Variants in PRKN observed in about 807,000 individuals in gnomAD.
PRKN encodes parkin RBR E3 ubiquitin protein ligase.
PRKN carries 56 observed loss-of-function variants against 59.5 expected under a neutral mutation model. The ratio of observed to expected loss-of-function variants is 0.94; its 90% CI spans 0.76 to 1.18. PRKN has a LOEUF of 1.18. Among genes scored for constraint, PRKN ranks in the 50% most tolerant of loss-of-function variants. The pLI, the probability that PRKN is intolerant of heterozygous loss-of-function variation, is 0.00. For synonymous variants in PRKN, 250 were observed against 222.1 expected (o/e 1.13, Z -1.12); for missense variants, 657 against 596.4 (o/e 1.10, Z -1.06).
At chr6:162,320,049 T>TG (rs975878273) in intron 2 of PRKN, among the ~76,000 whole-genome samples, 13 of 151,972 alleles carry the variant, frequency 8.6e-5, no homozygotes, top group African/African-American at 3.1e-4. Context: ...TACTTATAAG[T>TG]GAAAAAATGA....
intron 4 of PRKN, among the ~76,000 whole-genome samples, chr6:162,069,967 A>C (rs906027114): frequency 6.6e-6 from 1 of 152,224 alleles, no homozygotes; most frequent in Non-Finnish European, 1.5e-5. Flanking sequence ...TATGATCATA[A>C]TAAAAGCAAT....
intron 4 of PRKN, among the ~76,000 whole-genome samples, chr6:162,136,129 T>C (rs1164180108): frequency 1.3e-5 from 2 of 149,728 alleles, no homozygotes; most frequent in East Asian, 3.9e-4. Context: ...TAAATAAATA[T>C]ATTTTTATAA....
intron 1 of PRKN, among the ~76,000 whole-genome samples, chr6:162,601,565 C>T (rs1781713001): frequency 6.6e-6 from 1 of 152,058 alleles, no homozygotes; most frequent in Non-Finnish European, 1.5e-5. Context: ...GCCATGTTTC[C>T]CTTTCCTCGA....
intron 7 of PRKN, among the ~76,000 whole-genome samples, chr6:161,621,723 C>G (rs1782906950): frequency 6.6e-6 from 1 of 152,124 alleles, no homozygotes; most frequent in South Asian, 2.1e-4. Context: ...TTAACCATTA[C>G]AGCCGCACAT....
At chr6:162,238,124 T>A (rs1359771962) in intron 3 of PRKN, among the ~76,000 whole-genome samples, 4 of 152,246 alleles carry the variant, frequency 2.6e-5, no homozygotes, top group Non-Finnish European at 5.9e-5. Flanking sequence ...TTTGGTATTT[T>A]AAATCTATAA....
intron 9 of PRKN, among the ~76,000 whole-genome samples, chr6:161,476,328 C>T (rs1190980032): frequency 6.6e-6 from 1 of 152,124 alleles, no homozygotes; most frequent in African/African-American, 2.4e-5. Context: ...CTAAAAAAAG[C>T]TGCTGCTTCT....
At chr6:161,809,492 A>C (rs1447840804) in intron 6 of PRKN, among the ~76,000 whole-genome samples, 2 of 152,168 alleles carry the variant, frequency 1.3e-5, no homozygotes, top group African/African-American at 4.8e-5. Context: ...TGGGCTCTAG[A>C]AATAAAGCGA....
At chr6:162,576,568 T>C (rs1372268403) in intron 1 of PRKN, among the ~76,000 whole-genome samples, 1 of 152,136 alleles carries the variant, frequency 6.6e-6, no homozygotes, top group East Asian at 1.9e-4. Context: ...TTCCAGCACT[T>C]TGGGAGGCCA....
chr6:162,093,219 T>C (rs545777984), intron 4 of PRKN, among the ~76,000 whole-genome samples: 2 of 152,306 alleles, frequency 1.3e-5, no homozygotes, highest in East Asian at 3.9e-4. Context: ...AAATGGTCTA[T>C]AACTTGTTCC....
chr6:161,899,883 G>T (rs1777819355), intron 6 of PRKN, among the ~76,000 whole-genome samples: 1 of 152,134 alleles, frequency 6.6e-6, no homozygotes, highest in Non-Finnish European at 1.5e-5. Flanking sequence ...AGCACTTTGG[G>T]AGGCCGAGGT....
chr6:161,989,711 T>C (rs1454863088), intron 5 of PRKN, among the ~76,000 whole-genome samples: 2 of 152,146 alleles, frequency 1.3e-5, no homozygotes, highest in South Asian at 2.1e-4. Flanking sequence ...GACCTGGGGA[T>C]TGATCTGCCC....
chr6:161,386,771 G>A lies in PRKN; in HGVS notation c.1167+23C>T. On this transcript the variant is annotated intron_variant, in intron 10 of 11. Coordinates refer to ENST00000366898, the MANE Select transcript of PRKN (RefSeq NM_004562.3). The surrounding 1 kb of genome is among the most constrained non-coding windows in gnomAD (Gnocchi z 4.3). ...CACTGTATCCGGAGCCCTGCTTGGA[G>A]GAATGAGTAGGGCATTCTGTACCTG... The A allele has an allele frequency of 6.4e-7, 1 of 1,560,512 alleles. No individual in the cohort carries two copies. The highest frequency in any genetic ancestry group is 8.8e-7 in the Non-Finnish European group (1 of 1,131,206).
At chr6:161,666,244 G>A (rs759585339) in intron 7 of PRKN, among the ~76,000 whole-genome samples, 13 of 152,202 alleles carry the variant, frequency 8.5e-5, no homozygotes, top group Admixed American at 3.3e-4. Flanking sequence ...CACAGCCAGA[G>A]GTGAGTGGGT....
At position 161,503,645 on chromosome 6, in the gene PRKN, C is replaced by T. The variant is rs1193143647; in HGVS notation, c.1083+45209G>A. Among the ~76,000 whole-genome samples the T allele has an allele frequency of 6.6e-6, 1 of 152,168 alleles. No individual in the cohort carries two copies. Among genetic ancestry groups the T allele is most frequent in the African/African-American group, 2.4e-5 (1 of 41,434 alleles). ...GCTGGGTTCTAAGGCAGTTGCTCTG[C>T]CCCCAGAGCCCTGCTTCGAGAGCCT... On this transcript the variant is annotated intron_variant, in intron 9 of 11. Transcript: ENST00000366898. The surrounding 1 kb of genome is among the most constrained non-coding windows in gnomAD (Gnocchi z 5.1).
At chr6:162,477,368 T>C (rs1306926327) in intron 1 of PRKN, among the ~76,000 whole-genome samples, 1 of 152,136 alleles carries the variant, frequency 6.6e-6, no homozygotes, top group Non-Finnish European at 1.5e-5. Context: ...CTGATGAATG[T>C]TACCTCCTAG....
intron 6 of PRKN, among the ~76,000 whole-genome samples, chr6:161,917,543 T>C (rs1778616581): frequency 6.6e-6 from 1 of 152,212 alleles, no homozygotes; most frequent in African/African-American, 2.4e-5. Context: ...GATTAGGATA[T>C]GATGACAATA....
chr6:162,487,819 T>C (rs1162020412), intron 1 of PRKN, among the ~76,000 whole-genome samples: 1 of 152,168 alleles, frequency 6.6e-6, no homozygotes, highest in Non-Finnish European at 1.5e-5. Context: ...CTCATGCCTC[T>C]AATCCCAACA....
intron 9 of PRKN, among the ~76,000 whole-genome samples, chr6:161,506,576 T>C (rs1264863475): frequency 6.6e-6 from 1 of 152,148 alleles, no homozygotes; most frequent in Non-Finnish European, 1.5e-5. Context: ...AAATGCTGAT[T>C]GAATGACTGC....
chr6:161,558,407 A>T (rs761394), intron 8 of PRKN, among the ~76,000 whole-genome samples: 70,476 of 150,360 alleles, frequency 0.47, 17,083 homozygotes, highest in Middle Eastern at 0.63. Context: ...ACAAAAAATT[A>T]AAAAAAAATT....
Sources: gnomAD v4.1 joint callset for allele counts (sites outside exome capture counted in the v4.1 genomes callset) on GRCh38, gnomAD v4.1.1 for gene constraint, Gnocchi (gnomAD v3.1) non-coding constraint, MANE v1.5 for transcripts, NCBI Gene and HGNC (gene_info 2026-07-23, HGNC 2026-07-21) for gene names.